The following MED13L variants were observed in gnomAD, a reference collection of about 807,000 sequenced individuals.
MED13L encodes the protein mediator of RNA polymerase II transcription subunit 13-like.
Under a neutral mutation model 220.9 loss-of-function variants are expected in MED13L, and 7 were observed. The ratio of observed to expected loss-of-function variants is 0.03; its 90% confidence interval spans 0.02 to 0.06. The LOEUF (loss-of-function observed/expected upper bound fraction) is 0.06. Ranked by LOEUF, MED13L falls within the 10% of genes least tolerant of loss-of-function variation. MED13L has a pLI of 1.00. For synonymous variants in MED13L, 1,011 were observed against 1,015.2 expected, an observed-to-expected ratio of 1.00 and a Z score of 0.08; for missense variants, 1,965 against 2,760.5, an observed-to-expected ratio of 0.71 and a Z score of 6.46.
In MED13L at chr12:116,009,922, G is replaced by A. The variant is rs763350319; in HGVS notation, c.1281-790C>T. 3.3e-5 allele frequency among the ~76,000 whole-genome samples: 5 copies of A among 152,180 alleles called. No homozygotes were observed. In the South Asian group the frequency reaches 1.0e-3, roughly 32 times the overall value. On this transcript the variant is annotated intron_variant, in intron 9 of 30. Coordinates refer to ENST00000281928, the MANE Select transcript of MED13L (RefSeq NM_015335.5). ...TCTGTACAACAAAGTTATACTGCAT[G>A]TCAGCCAGTACCTCCCAATATATAA...
At chr12:115,961,441 G>C (rs777612022) in intron 30 of MED13L, 43 bp from the exon 31 acceptor site, 4 of 1,610,920 alleles carry the variant, frequency 2.5e-6, no homozygotes, top group African/African-American at 2.7e-5. Context: ...AGCCTCAAGA[G>C]GGAAGGCTGG....
At chr12:115,993,887 G>A (rs1296322825) in intron 16 of MED13L, among the ~76,000 whole-genome samples, 1 of 152,158 alleles carries the variant, frequency 6.6e-6, no homozygotes, top group African/African-American at 2.4e-5. Context: ...TGGCTCATAA[G>A]CAAGTATGGC....
chr12:116,080,215 A>C (rs562841948), intron 4 of MED13L, among the ~76,000 whole-genome samples: 1 of 152,176 alleles, frequency 6.6e-6, no homozygotes, highest in South Asian at 2.1e-4. Flanking sequence ...CAAGGGGCTG[A>C]CCTTCTTTAT....
intron 4 of MED13L, among the ~76,000 whole-genome samples, chr12:116,084,789 A>G (rs1210635253): frequency 6.6e-6 from 1 of 151,550 alleles, no homozygotes; most frequent in Non-Finnish European, 1.5e-5. Context: ...AAAAAAAAAA[A>G]GAAGTAGAAA....
chr12:116,044,974 TATGC>T (rs1373056125), intron 4 of MED13L, among the ~76,000 whole-genome samples: 2 of 152,180 alleles, frequency 1.3e-5, no homozygotes, highest in Non-Finnish European at 2.9e-5. Context: ...TGTCAAATGG[TATGC>T]AAACTGTATA....
At chr12:115,975,134 T>G in intron 25 of MED13L, 37 bp downstream of exon 25, 1 of 1,608,902 alleles carries the variant, frequency 6.2e-7, no homozygotes, top group Admixed American at 1.7e-5. Flanking sequence ...GCCCTTTTCC[T>G]CTGTCTTCTG....
intron 1 of MED13L, among the ~76,000 whole-genome samples, chr12:116,270,654 T>C (rs973698927): frequency 4.6e-5 from 7 of 152,164 alleles, no homozygotes; most frequent in African/African-American, 1.7e-4. Context: ...TAATGAAATA[T>C]CATCTCCCCT....
At chr12:116,062,440 T>G (rs1346363327) in intron 4 of MED13L, among the ~76,000 whole-genome samples, 1 of 151,846 alleles carries the variant, frequency 6.6e-6, no homozygotes, top group East Asian at 1.9e-4. Context: ...TGAACAATAT[T>G]ACCTTCATAG....
intron 2 of MED13L, among the ~76,000 whole-genome samples, chr12:116,207,419 T>C (rs770850235): frequency 1.3e-5 from 2 of 152,176 alleles, no homozygotes; most frequent in South Asian, 4.1e-4. Flanking sequence ...CAGATGTATA[T>C]AGTAGGCTAT....
Position 115,969,113 on chromosome 12 carries a change from GAAA to G in MED13L, c.6068-19_6068-17del. The G allele has an allele frequency of 6.2e-7, 1 of 1,611,358 alleles. No homozygotes were observed. On this transcript the variant is annotated splice_polypyrimidine_tract_variant and intron_variant, in intron 27 of 30. Coordinates refer to ENST00000281928, the MANE Select transcript of MED13L (RefSeq NM_015335.5). Reference sequence around the variant, plus strand: ...AACATATCATCTAGAGGGAAGGGGGGAAAAAAAGCACAAAAATTAAAAAGATAG... The same window carrying G: ...AACATATCATCTAGAGGGAAGGGGGGAAAAGCACAAAAATTAAAAAGATAG...
chr12:116,110,902 G>A (rs1447460282), intron 3 of MED13L, among the ~76,000 whole-genome samples: 1 of 152,100 alleles, frequency 6.6e-6, no homozygotes, highest in Admixed American at 6.5e-5. Context: ...GAAAAAAAAG[G>A]CTAAAGAACT....
intron 1 of MED13L, among the ~76,000 whole-genome samples, chr12:116,258,058 T>C (rs532004997): frequency 2.0e-5 from 3 of 152,326 alleles, no homozygotes; most frequent in South Asian, 4.1e-4. Flanking sequence ...TACTAAATTA[T>C]ATGGTCTACA....
At chr12:116,251,715 C>T (rs1234666478) in intron 1 of MED13L, among the ~76,000 whole-genome samples, 1 of 150,488 alleles carries the variant, frequency 6.6e-6, no homozygotes, top group African/African-American at 2.4e-5. Context: ...GAGCCAAGAT[C>T]GCGCCACAGC....
intron 14 of MED13L, among the ~76,000 whole-genome samples, chr12:116,001,903 G>A (rs1878769897): frequency 6.6e-6 from 1 of 152,224 alleles, no homozygotes; most frequent in South Asian, 2.1e-4. Flanking sequence ...GTCTGCGAGT[G>A]AAAAGCCTTG....
intron 4 of MED13L, among the ~76,000 whole-genome samples, chr12:116,077,022 C>A (rs1870858866): frequency 6.6e-6 from 1 of 151,040 alleles, no homozygotes; most frequent in African/African-American, 2.4e-5. Context: ...CCTTGAGACA[C>A]CACGGTGACA....
In MED13L at chr12:116,205,120, C is replaced by A. The variant is rs117966608; in HGVS notation, c.310+32348G>T. Among the ~76,000 whole-genome samples the A allele has an allele frequency of 2.2e-4, 33 of 152,162 alleles. No homozygotes were observed. In the East Asian group the frequency reaches 5.4e-3, roughly 25 times the overall value. On this transcript the variant is annotated intron_variant, in intron 2 of 30. Coordinates refer to ENST00000281928, the MANE Select transcript of MED13L (RefSeq NM_015335.5). ...TCTTCATACTGTCGCCAAATCCTAACCAGAACTCAGAAAATGGTGAACAAA... is the reference window on the plus strand; with the variant it reads ...TCTTCATACTGTCGCCAAATCCTAAACAGAACTCAGAAAATGGTGAACAAA...
chr12:116,155,451 A>T (rs1468398756), intron 2 of MED13L, among the ~76,000 whole-genome samples: 1 of 152,106 alleles, frequency 6.6e-6, no homozygotes, highest in Non-Finnish European at 1.5e-5. Flanking sequence ...TAATGTTCTG[A>T]ATACTTCCAA....
intron 2 of MED13L, among the ~76,000 whole-genome samples, chr12:116,159,467 TTATA>T (rs1201332010): frequency 2.0e-5 from 3 of 152,288 alleles, no homozygotes; most frequent in African/African-American, 7.2e-5. Context: ...CTCATTACTT[TTATA>T]TATAATTAGA....
intron 16 of MED13L, among the ~76,000 whole-genome samples, chr12:115,992,442 T>C (rs1878126778): frequency 6.6e-6 from 1 of 152,194 alleles, no homozygotes; most frequent in Non-Finnish European, 1.5e-5. Context: ...ACTTGTTCTC[T>C]GAGGCTATAA....
Sources: gnomAD v4.1 joint callset for allele counts (sites outside exome capture counted in the v4.1 genomes callset) on GRCh38, gnomAD v4.1.1 for gene constraint, MANE v1.5 for transcripts, NCBI Gene and HGNC (gene_info 2026-07-23, HGNC 2026-07-21) for gene names.